HEATR6: variants seen among roughly 807,000 people sequenced by gnomAD.
The protein encoded by HEATR6 is HEAT repeat containing 6, also known as HEAT repeat-containing protein 6.
Under a neutral mutation model 132.8 loss-of-function variants are expected in HEATR6, and 106 were observed. That is an observed-to-expected ratio of 0.80 (90% CI 0.68 to 0.94). HEATR6 has a LOEUF of 0.94. HEATR6 is among the 40% of genes least tolerant of loss of function. The pLI, the probability that HEATR6 is intolerant of heterozygous loss-of-function variation, is 0.00. For synonymous variants in HEATR6, 529 were observed against 537.8 expected (o/e 0.98, Z 0.23); for missense variants, 1,339 against 1,425.1 (o/e 0.94, Z 0.97).
chr17:60,052,424 C>T (rs1426360518), intron 14 of HEATR6, among the ~76,000 whole-genome samples: 1 of 150,408 alleles, frequency 6.6e-6, no homozygotes, highest in Middle Eastern at 3.2e-3. Flanking sequence ...GAAAACATGA[C>T]TTTTTTTTTT....
rs773909826 is a variant in HEATR6 at position 60,048,315 on chromosome 17, G to C, written c.2621C>G (p.Ala874Gly). Residue 874 changes from alanine to glycine, a missense_variant, in exon 17 of 20, where the codon GCC becomes GGC. Ala to Gly is a moderately conservative substitution (Grantham distance 60, BLOSUM62 0). Transcript: ENST00000184956. ...SLEDKSLNVR[A>G]KAAWSLGNLT... The stretch of plus-strand genomic sequence containing the variant: ...GTTGCCCAGGGACCAGGCTGCTTTG[G>C]CTCGAACATTCAGAGACTTGTCTTC... 1 of 1,613,498 alleles carries C rather than the reference G, an allele frequency of 6.2e-7. No individual in the cohort carries two copies. Among genetic ancestry groups the C allele is most frequent in the Non-Finnish European group, 8.5e-7 (1 of 1,179,682 alleles).
At position 60,057,277 on chromosome 17, in the gene HEATR6, G is replaced by C. The variant is rs371250192; in HGVS notation, c.1850C>G (p.Ala617Gly). The part of the protein sequence containing the change: ...CSSGLGNSNS[A>G]TPHLSPPDWW... ...ATCAGGAGGGCTGAGGTGAGGGGTTGCTGAATTGCTATTACCGAGTCCAGA... is the reference window on the plus strand; with the variant it reads ...ATCAGGAGGGCTGAGGTGAGGGGTTCCTGAATTGCTATTACCGAGTCCAGA... Residue 617 changes from alanine to glycine, a missense_variant, in exon 12 of 20, where the codon GCA (alanine) becomes GGA (glycine). Coordinates refer to ENST00000184956, the MANE Select transcript of HEATR6 (RefSeq NM_022070.5). 6.2e-5 allele frequency: 100 copies of C among 1,614,078 alleles called. 1 individual carries two copies. The highest frequency in any genetic ancestry group is 8.1e-5 in the Non-Finnish European group (95 of 1,180,044).
At chr17:60,050,193 A>T (rs1289022994) in intron 15 of HEATR6, among the ~76,000 whole-genome samples, 1 of 152,138 alleles carries the variant, frequency 6.6e-6, no homozygotes, top group East Asian at 1.9e-4. Context: ...GAGGCCCCAG[A>T]AAGCTGCCTG....
chr17:60,057,465 AT>A, intron 11 of HEATR6, 62 bp from the exon 12 acceptor site: 1 of 1,102,524 alleles, frequency 9.1e-7, no homozygotes, highest in Non-Finnish European at 1.3e-6. Flanking sequence ...GATGGTAGTT[AT>A]CCCAGCAGGC....
Position 60,078,907 on chromosome 17 carries a change from G to A in HEATR6, c.8C>T (p.Ala3Val), listed in dbSNP as rs751479914. 2.0e-5 allele frequency: 18 copies of A among 917,972 alleles called. No individual in the cohort carries two copies. In the African/African-American group the frequency reaches 2.9e-4, roughly 15 times the overall value. The allele number at this position is 917,972 out of a possible 1,614,324, so 56.9% of individuals were successfully genotyped here. MA[A>V]VQVVGSWPSV... ...AGGCCACGAACCGACAACTTGCACA[G>A]CAGCCATCTTTTCTACGGGCGGGGG... The change falls in exon 1 of 20, where the codon GCT becomes GTT. Residue 3 changes from alanine (A) to valine (V), a missense_variant. Physicochemically the swap from Ala to Val is moderately conservative, Grantham distance 64. Coordinates refer to ENST00000184956, the MANE Select transcript of HEATR6 (RefSeq NM_022070.5).
intron 15 of HEATR6, among the ~76,000 whole-genome samples, chr17:60,050,482 GATA>G (rs780626075): frequency 4.6e-5 from 7 of 152,110 alleles, no homozygotes; most frequent in Non-Finnish European, 1.0e-4. Context: ...TCTTATTGAT[GATA>G]ATACCAAGTC....
At chr17:60,069,642 C>A (rs936650063) in intron 7 of HEATR6, 69 bp downstream of exon 7, 3 of 1,461,706 alleles carry the variant, frequency 2.1e-6, no homozygotes, top group South Asian at 1.2e-5. Flanking sequence ...TGATGCAAAT[C>A]ATAGAAAACA....
At chr17:60,049,827 T>G (rs1717007775) in intron 15 of HEATR6, 125 bp from the exon 16 acceptor site, 1 of 1,025,770 alleles carries the variant, frequency 9.7e-7, no homozygotes, top group African/African-American at 1.6e-5. Flanking sequence ...ATTGCGACCT[T>G]GAGGCTACCC....
At chr17:60,047,706 T>C (rs1906419090) in intron 17 of HEATR6, among the ~76,000 whole-genome samples, 2 of 151,074 alleles carry the variant, frequency 1.3e-5, no homozygotes, top group South Asian at 2.1e-4. Flanking sequence ...AAATGGTTAA[T>C]CATCACACAG....
chr17:60,075,147 C>T (rs1046578893), intron 2 of HEATR6, among the ~76,000 whole-genome samples: 8 of 152,230 alleles, frequency 5.3e-5, no homozygotes, highest in African/African-American at 1.9e-4. Context: ...AGAGACACAA[C>T]ATAAAATAAA....
In HEATR6 at chr17:60,073,237, A is replaced by G. The variant is rs2083278610; in HGVS notation, c.511T>C (p.Leu171=). ...LLGNTGLLMK[L]SDLAQSDPEV... ...GGATCAGACTGAGCCAAGTCACTCA[A>G]CTTCATTAAGAGTCCGGTGTTGCCT... The change falls in exon 4 of 20, where the codon TTG becomes CTG. Residue 171 remains leucine (L), a synonymous_variant. Transcript: ENST00000184956. 1 of 1,613,846 alleles carries G rather than the reference A, an allele frequency of 6.2e-7. No individual in the cohort carries two copies. Among genetic ancestry groups the G allele is most frequent in the Non-Finnish European group, 8.5e-7 (1 of 1,179,748 alleles).
At position 60,043,495 on chromosome 17, in the gene HEATR6, C is replaced by T; in HGVS notation, c.*68G>A. On this transcript the variant is annotated 3_prime_UTR_variant, in exon 20 of 20. Coordinates refer to ENST00000184956, the MANE Select transcript of HEATR6 (RefSeq NM_022070.5). The stretch of plus-strand genomic sequence containing the variant: ...TTTCTGCCCCTAAGATGAAATCCCA[C>T]AGATCTTATGCTCAAGCTCAGGTCT... The T allele has an allele frequency of 8.0e-7, 1 of 1,250,214 alleles. No individual in the cohort carries two copies. Among genetic ancestry groups the T allele is most frequent in the Middle Eastern group, 2.2e-4 (1 of 4,588 alleles). The allele number at this position is 1,250,214 out of a possible 1,614,324, so 77.4% of individuals were successfully genotyped here.
chr17:60,043,619 C>T lies in HEATR6; in HGVS notation c.3490G>A (p.Val1164Ile), dbSNP rs149927682. 178 of 1,614,058 alleles carry T rather than the reference C, an allele frequency of 1.1e-4. 1 individual carries two copies. Among genetic ancestry groups the T allele is most frequent in the Admixed American group, 9.0e-4 (54 of 59,998 alleles). Residue 1164 changes from valine (V) to isoleucine (I), a missense_variant, in exon 20 of 20, where the codon GTT becomes ATT. Coordinates refer to ENST00000184956, the MANE Select transcript of HEATR6 (RefSeq NM_022070.5). ...TGTGATCCAGATGAGTCAAAACAAA[C>T]GGCCAGGATCTCTTCTAAAAAGCCC... ...IMGFLEEILA[V>I]CFDSSGSQGA...
At chr17:60,067,264 C>T (rs1374140007) in intron 8 of HEATR6, among the ~76,000 whole-genome samples, 170 bp downstream of exon 8, 4 of 126,924 alleles carry the variant, frequency 3.2e-5, no homozygotes, top group South Asian at 2.4e-4. Context: ...AGCGAGACTC[C>T]GTCTCAAAAA....
Position 60,041,796 on chromosome 17 carries a change from A to C in HEATR6, c.*1767T>G, listed in dbSNP as rs1441630628. 6.6e-6 allele frequency among the ~76,000 whole-genome samples: 1 copy of C among 152,180 alleles called. No homozygotes were observed. The highest frequency in any genetic ancestry group is 1.9e-4 in the East Asian group (1 of 5,192). ...ACAGCAGCTAAAAGGCAAAGGAGAA[A>C]AATGGAAGACACCTGCCTTTACACG... On this transcript the variant is annotated 3_prime_UTR_variant, in exon 20 of 20. Transcript: ENST00000184956.
chr17:60,078,556 A>C (rs1405696053), intron 1 of HEATR6, 140 bp downstream of exon 1: 17 of 676,398 alleles, frequency 2.5e-5, no homozygotes, highest in Admixed American at 5.7e-5. Context: ...GAATGTGCCA[A>C]GGTTGGAGGG....
At chr17:60,054,824 G>A (rs1014895110) in intron 14 of HEATR6, among the ~76,000 whole-genome samples, 2 of 152,206 alleles carry the variant, frequency 1.3e-5, no homozygotes, top group Non-Finnish European at 2.9e-5. Flanking sequence ...AGACTTTGGG[G>A]AACTATTGGG....
rs1568608603 is a variant in HEATR6, at chr17:60,049,002, A to AACG, written c.2547+577_2547+578insCGT. ...ATATATAATATATATATATATATAT[A>AACG]TATATATATATATATATGGTAATGC... On this transcript the variant is annotated intron_variant, in intron 16 of 19. Coordinates refer to ENST00000184956, the MANE Select transcript of HEATR6 (RefSeq NM_022070.5). 9.9e-5 allele frequency among the ~76,000 whole-genome samples: 13 copies of AACG among 131,674 alleles called. 2 individuals carry two copies. The highest frequency in any genetic ancestry group is 3.6e-4 in the African/African-American group (12 of 33,578). 86.4% of individuals were successfully genotyped at this position (131,674 alleles called of 152,430 possible).
At chr17:60,073,590 CT>C (rs1357803247) in intron 3 of HEATR6, among the ~76,000 whole-genome samples, 155 bp downstream of exon 3, 1 of 152,114 alleles carries the variant, frequency 6.6e-6, no homozygotes, top group East Asian at 1.9e-4. Flanking sequence ...TCACTTCATC[CT>C]CAGAGTAACT....
Sources: allele counts gnomAD v4.1 joint callset (sites outside exome capture counted in the v4.1 genomes callset), GRCh38; gene constraint gnomAD v4.1.1; transcripts MANE v1.5; gene names NCBI Gene and HGNC (gene_info 2026-07-23, HGNC 2026-07-21).